Variants in WDR7 observed in about 807,000 individuals in gnomAD.
The protein encoded by WDR7 is WD repeat domain 7, also known as WD repeat-containing protein 7.
A neutral mutation model predicts 169.4 loss-of-function variants in WDR7; 46 were observed. That is an observed-to-expected ratio of 0.27 (90% confidence interval 0.21 to 0.35). WDR7 has a LOEUF of 0.35. WDR7 is among the 10% of genes least tolerant of loss of function. WDR7 has a pLI of 1.00. For synonymous variants in WDR7, 612 were observed against 666.8 expected (o/e 0.92, Z 1.27); for missense variants, 1,534 against 1,859.3 (o/e 0.83, Z 3.22).
intron 16 of WDR7, among the ~76,000 whole-genome samples, chr18:56,763,758 TTATAGA>T (rs1033539807): frequency 2.5e-4 from 38 of 152,294 alleles, no homozygotes; most frequent in African/African-American, 8.4e-4. Context: ...TTTAAAAGTA[TTATAGA>T]TATAGGGCTA....
intron 21 of WDR7, among the ~76,000 whole-genome samples, chr18:56,907,327 G>A (rs1362899894): frequency 6.6e-6 from 1 of 152,034 alleles, no homozygotes; most frequent in Non-Finnish European, 1.5e-5. Flanking sequence ...GATCAAAAAT[G>A]GTTAAAATGA....
downstream of WDR7, chr18:57,032,804 TATATATATATATATA>T (rs2048448607): frequency 9.0e-5 from 1 of 11,072 alleles, no homozygotes; most frequent in African/African-American, 3.4e-4. Context: ...AATTATTTTA[TATATATATATATATA>T]TATATATATA....
At chr18:56,952,740 G>GA (rs2047200544) in intron 25 of WDR7, among the ~76,000 whole-genome samples, 1 of 152,088 alleles carries the variant, frequency 6.6e-6, no homozygotes, top group African/African-American at 2.4e-5. Flanking sequence ...TCAGACAATG[G>GA]AATATTTTTC....
At chr18:56,803,915 C>T (rs1320356239) in intron 19 of WDR7, among the ~76,000 whole-genome samples, 1 of 152,176 alleles carries the variant, frequency 6.6e-6, no homozygotes, top group Non-Finnish European at 1.5e-5. Flanking sequence ...CCCACCTCAA[C>T]CTTTTCAGTA....
chr18:56,672,567 C>T lies in WDR7; in HGVS notation c.52C>T (p.Pro18Ser), dbSNP rs1037526464. The T allele has an allele frequency of 8.7e-6, 14 of 1,612,674 alleles. No homozygotes were observed. The highest frequency in any genetic ancestry group is 2.2e-5 in the East Asian group (1 of 44,764). ...LPIVLWGRKA[P>S]THCISAVLLT... ...CATTGTTCTTTGGGGTCGAAAAGCG[C>T]CCACACATTGCATCTCAGCCGTACT... The change falls in exon 2 of 28, where the codon CCC becomes TCC. Residue 18 changes from proline (P) to serine (S), a missense_variant. Physicochemically the swap from Pro to Ser is moderately conservative, Grantham distance 74 (BLOSUM62 -1). Coordinates refer to ENST00000254442, the MANE Select transcript of WDR7 (RefSeq NM_015285.3).
At chr18:56,795,659 A>T (rs991378866) in intron 19 of WDR7, among the ~76,000 whole-genome samples, 1 of 152,114 alleles carries the variant, frequency 6.6e-6, no homozygotes, top group Non-Finnish European at 1.5e-5. Flanking sequence ...TAATGTGTGG[A>T]TGTTCTTGTT....
At chr18:56,707,377 A>G (rs1298898324) in intron 12 of WDR7, among the ~76,000 whole-genome samples, 2 of 151,002 alleles carry the variant, frequency 1.3e-5, no homozygotes, top group Non-Finnish European at 2.9e-5. Flanking sequence ...TAAAACCCGT[A>G]CAAATTAGGG....
intron 19 of WDR7, among the ~76,000 whole-genome samples, chr18:56,790,665 G>T (rs1258889249): frequency 6.6e-6 from 1 of 151,578 alleles, no homozygotes; most frequent in African/African-American, 2.4e-5. Flanking sequence ...GGGAAGTATG[G>T]TATTTTATAT....
chr18:56,821,948 A>G (rs1000200745), intron 20 of WDR7, among the ~76,000 whole-genome samples: 3 of 152,062 alleles, frequency 2.0e-5, no homozygotes, highest in African/African-American at 7.2e-5. Context: ...GCAGTGAGCC[A>G]TGTTCGAACC....
At chr18:56,902,992 C>T (rs1234388992) in intron 21 of WDR7, among the ~76,000 whole-genome samples, 1 of 152,170 alleles carries the variant, frequency 6.6e-6, no homozygotes, top group African/African-American at 2.4e-5. Context: ...TGACACACCA[C>T]CCAGTAGGTT....
chr18:56,729,362 A>G (rs1411129791), intron 13 of WDR7, among the ~76,000 whole-genome samples: 1 of 152,170 alleles, frequency 6.6e-6, no homozygotes, highest in Non-Finnish European at 1.5e-5. Flanking sequence ...ATCTTCATGT[A>G]CAAGAATATG....
chr18:56,793,813 A>G (rs2044534843), intron 19 of WDR7, among the ~76,000 whole-genome samples: 1 of 152,220 alleles, frequency 6.6e-6, no homozygotes, highest in Non-Finnish European at 1.5e-5. Flanking sequence ...GCTTCTTTAG[A>G]AAGCGGGCTT....
chr18:56,780,748 C>T (rs1307132713), intron 18 of WDR7, among the ~76,000 whole-genome samples: 2 of 152,136 alleles, frequency 1.3e-5, no homozygotes, highest in African/African-American at 2.4e-5. Flanking sequence ...TGCAGTGAGC[C>T]GAGATCACGC....
At chr18:56,700,565 CTTTTTTTT>C (rs71169389) in intron 12 of WDR7, among the ~76,000 whole-genome samples, 14 of 115,820 alleles carry the variant, frequency 1.2e-4, no homozygotes, top group Non-Finnish European at 1.4e-4. Flanking sequence ...AATATTGTTT[CTTTTTTTT>C]TTTTTTTTTT....
At chr18:56,777,396 G>A (rs1003344335) in intron 17 of WDR7, among the ~76,000 whole-genome samples, 2 of 152,086 alleles carry the variant, frequency 1.3e-5, no homozygotes, top group African/African-American at 4.8e-5. Context: ...TACTATTTCT[G>A]TTTTAAGCTC....
chr18:56,826,759 C>G (rs1367032311), intron 20 of WDR7, among the ~76,000 whole-genome samples: 1 of 152,200 alleles, frequency 6.6e-6, no homozygotes, highest in Non-Finnish European at 1.5e-5. Flanking sequence ...TCAGAACCAG[C>G]TACTCTTTCT....
Position 56,749,375 on chromosome 18 carries a change from T to A in WDR7, c.1990-7208T>A, listed in dbSNP as rs182082719. 3.5e-3 allele frequency among the ~76,000 whole-genome samples: 428 copies of A among 121,276 alleles called. 4 individuals carry two copies. In the East Asian group the frequency reaches 0.037, roughly 10 times the overall value. The allele number at this position is 121,276 out of a possible 152,430, so 79.6% of individuals were successfully genotyped here. On this transcript the variant is annotated intron_variant, in intron 14 of 27. Coordinates refer to ENST00000254442, the MANE Select transcript of WDR7 (RefSeq NM_015285.3). ...CTCAAAGTATTAATATCTATAGAAG[T>A]GTGTGTGTGTTTGTGTGTGTGTGTG... is the stretch of plus-strand genomic sequence containing the variant.
chr18:57,015,023 T>G (rs1247371940), intron 26 of WDR7, among the ~76,000 whole-genome samples: 2 of 152,324 alleles, frequency 1.3e-5, no homozygotes, highest in Non-Finnish European at 2.9e-5. Flanking sequence ...GATTTAGATT[T>G]GATATAAGGA....
chr18:56,982,067 A>G (rs190278515), intron 26 of WDR7, among the ~76,000 whole-genome samples: 1 of 152,306 alleles, frequency 6.6e-6, no homozygotes, highest in East Asian at 1.9e-4. Flanking sequence ...GAACCGTTTT[A>G]ATATCAATTT....
Sources: gnomAD v4.1 joint callset for allele counts (sites outside exome capture counted in the v4.1 genomes callset) on GRCh38, gnomAD v4.1.1 for gene constraint, MANE v1.5 for transcripts, NCBI Gene and HGNC (gene_info 2026-07-23, HGNC 2026-07-21) for gene names.